NUGGC: variants seen among roughly 807,000 people sequenced by gnomAD.
NUGGC encodes the protein nuclear GTPase SLIP-GC.
In NUGGC, 58 loss-of-function variants were observed where a neutral mutation model predicts 92.6. The observed-to-expected ratio is 0.63, with a 90% CI of 0.51 to 0.78. NUGGC has a LOEUF of 0.78. Among genes scored for constraint, NUGGC ranks in the 30% least tolerant of loss-of-function variants. The probability of loss-of-function intolerance (pLI) is 0.00; values close to 1 mark genes in which losing one functional copy is unlikely to be tolerated. For synonymous variants in NUGGC, 376 were observed against 366.4 expected, an observed-to-expected ratio of 1.03 and a Z score of -0.30; for missense variants, 925 against 964.6, an observed-to-expected ratio of 0.96 and a Z score of 0.54.
At chr8:28,059,779 TG>T (rs1357192425) in intron 8 of NUGGC, among the ~76,000 whole-genome samples, 2 of 152,136 alleles carry the variant, frequency 1.3e-5, no homozygotes, top group East Asian at 3.8e-4. Flanking sequence ...CCCAGCACTT[TG>T]GGAGGCCAAG....
intron 7 of NUGGC, among the ~76,000 whole-genome samples, chr8:28,063,136 G>A (rs184022305): frequency 3.9e-4 from 60 of 152,268 alleles, no homozygotes; most frequent in African/African-American, 1.4e-3. Context: ...GAGAGACATA[G>A]GGAGGGCAAC....
chr8:28,027,072 A>C lies in NUGGC; in HGVS notation c.2155-20T>G. ...TCCAGTCTATGCAACAAGGACATTC[A>C]GTCTGTTAGGATGGTGCAGCCCAAG... On this transcript the variant is annotated intron_variant, in intron 17 of 18. Coordinates refer to ENST00000413272, the MANE Select transcript of NUGGC (RefSeq NM_001010906.2). The C allele has an allele frequency of 1.3e-6, 2 of 1,577,654 alleles. No individual in the cohort carries two copies. Among genetic ancestry groups the C allele is most frequent in the Non-Finnish European group, 1.7e-6 (2 of 1,146,854 alleles).
At chr8:28,068,705 T>A (rs934666285) in intron 4 of NUGGC, among the ~76,000 whole-genome samples, 1 of 152,170 alleles carries the variant, frequency 6.6e-6, no homozygotes, top group Non-Finnish European at 1.5e-5. Context: ...GTGTCTTTAT[T>A]TGTATTCACT....
At chr8:28,062,285 C>T (rs568061768) in intron 7 of NUGGC, among the ~76,000 whole-genome samples, 3 of 152,268 alleles carry the variant, frequency 2.0e-5, no homozygotes, top group South Asian at 4.1e-4. Context: ...AAAACCATTA[C>T]AGCCCTTCTG....
chr8:28,023,249 C>T lies in NUGGC; in HGVS notation c.*68G>A. On this transcript the variant is annotated 3_prime_UTR_variant, in exon 19 of 19. Transcript: ENST00000413272. ...GTAGATAGATCTTGTCTCTTAAGAA[C>T]AAAAAAAGTAATTCTAATTCTCTGG... 6.6e-7 allele frequency: 1 copy of T among 1,510,368 alleles called. No homozygotes were observed. The highest frequency in any genetic ancestry group is 8.9e-7 in the Non-Finnish European group (1 of 1,121,454). 93.6% of individuals were successfully genotyped at this position (1,510,368 alleles called of 1,614,324 possible). A position where few individuals can be genotyped will look rare whatever the true frequency, so the allele number is the denominator to read the frequency against.
intron 13 of NUGGC, among the ~76,000 whole-genome samples, chr8:28,035,913 C>G (rs975481623): frequency 3.3e-5 from 5 of 152,236 alleles, no homozygotes; most frequent in African/African-American, 1.2e-4. Context: ...GACAGGGTCT[C>G]TCTCTGTCAC....
At chr8:28,036,693 C>T (rs1334758862) in intron 13 of NUGGC, among the ~76,000 whole-genome samples, 2 of 152,210 alleles carry the variant, frequency 1.3e-5, no homozygotes, top group Non-Finnish European at 2.9e-5. Context: ...CCCACATCTC[C>T]CCATGTCTGA....
At chr8:28,064,169 G>T (rs1189731479) in intron 7 of NUGGC, among the ~76,000 whole-genome samples, 1 of 152,188 alleles carries the variant, frequency 6.6e-6, no homozygotes, top group African/African-American at 2.4e-5. Context: ...GCAGCCTCTT[G>T]GTTCTTGGTG....
chr8:28,045,191 A>T (rs774632229), intron 12 of NUGGC, among the ~76,000 whole-genome samples: 14 of 152,164 alleles, frequency 9.2e-5, no homozygotes, highest in Admixed American at 3.3e-4. Context: ...GTAACCAAGA[A>T]GTGTCTATAT....
At position 28,031,249 on chromosome 8, in the gene NUGGC, G is replaced by T. The variant is rs369886793; in HGVS notation, c.1902C>A (p.Ile634=). ...CACTTTATAAGGAACGTACCTCCTGGATCAGGAAATTTTTTTTGCAGCTAT... is the reference window on the plus strand; with the variant it reads ...CACTTTATAAGGAACGTACCTCCTGTATCAGGAAATTTTTTTTGCAGCTAT... The part of the protein sequence containing the change: ...KYDSCKKNFL[I]QEISAILGGL... Residue 634 remains isoleucine (I), a synonymous_variant, in exon 15 of 19, where the codon ATC becomes ATA. Coordinates refer to ENST00000413272, the MANE Select transcript of NUGGC (RefSeq NM_001010906.2). 1 of 1,614,030 alleles carries T rather than the reference G, an allele frequency of 6.2e-7. No homozygotes were observed.
chr8:28,050,805 C>T lies in NUGGC; in HGVS notation c.1207-3193G>A, dbSNP rs190351407. 2.0e-3 allele frequency among the ~76,000 whole-genome samples: 287 copies of T among 143,848 alleles called. 1 individual carries two copies. Among genetic ancestry groups the T allele is most frequent in the South Asian group, 0.011 (47 of 4,386 alleles). The allele number at this position is 143,848 out of a possible 152,430, so 94.4% of individuals were successfully genotyped here. ...TAGCCTGGGCAACAGAGCCAGGCTC[C>T]GTCTCAAAAAAAAAAAAAAATCATG... On this transcript the variant is annotated intron_variant, in intron 10 of 18. Transcript: ENST00000413272.
rs1585569396 is a variant in NUGGC at position 28,045,553 on chromosome 8, T to A, written c.1420A>T (p.Ser474Cys). The A allele has an allele frequency of 6.2e-7, 1 of 1,612,606 alleles. No individual in the cohort carries two copies. Among genetic ancestry groups the A allele is most frequent in the Non-Finnish European group, 8.5e-7 (1 of 1,179,722 alleles). Residue 474 changes from serine to cysteine, a missense_variant, in exon 12 of 19, where the codon AGT becomes TGT. Physicochemically the swap from Ser to Cys is moderately radical, Grantham distance 112 (BLOSUM62 -1). Transcript: ENST00000413272. The stretch of plus-strand genomic sequence containing the variant: ...GGCAGGTTTTGCGTGGAGTTGAAAC[T>A]ATCTGTGAGGAGCAACAGGCCAAAG... ...EAFGLLLLTD[S>C]FNSTQNLPNE...
At chr8:28,067,330 A>G (rs1474701305) in intron 6 of NUGGC, among the ~76,000 whole-genome samples, 184 bp downstream of exon 6, 2 of 152,206 alleles carry the variant, frequency 1.3e-5, no homozygotes, top group Non-Finnish European at 2.9e-5. Flanking sequence ...TCACATACCA[A>G]AAATTTCCAT....
At chr8:28,052,630 G>A (rs111571330) in intron 10 of NUGGC, among the ~76,000 whole-genome samples, 11 of 152,268 alleles carry the variant, frequency 7.2e-5, no homozygotes, top group East Asian at 1.9e-4. Context: ...GGAGCATGGC[G>A]CTGCTAATAC....
chr8:28,049,094 C>G (rs968998812), intron 10 of NUGGC, among the ~76,000 whole-genome samples: 2 of 152,106 alleles, frequency 1.3e-5, no homozygotes, highest in Non-Finnish European at 2.9e-5. Flanking sequence ...TTGTCAATCT[C>G]TTTCTGATGC....
In NUGGC at chr8:28,070,341, T is replaced by C. The variant is rs893767414; in HGVS notation, c.59A>G (p.Tyr20Cys). Residue 20 changes from tyrosine (Y) to cysteine (C), a missense_variant, in exon 3 of 19, where the codon TAT becomes TGT. Transcript: ENST00000413272. ...CCTTCTTTTTCTCGTTCGTTCTTTA[T>C]ATAAATCATCTTCAACTAGAGATAA... ...QEPHPVEDDLYKERTRKRRKS... is the reference protein window; with the variant it reads ...QEPHPVEDDLCKERTRKRRKS... The C allele has an allele frequency of 9.8e-6, 15 of 1,524,028 alleles. No homozygotes were observed. The African/African-American group carries it at 1.8e-4, about 18-fold the overall frequency. 94.4% of individuals were successfully genotyped at this position (1,524,028 alleles called of 1,614,324 possible).
rs777562774 is a variant in NUGGC at position 28,060,438 on chromosome 8, G to A, written c.1085C>T (p.Pro362Leu). ...CCCAGCACAATACCTTAGGTATTCT[G>A]GCAAGTGGAGTTTGTCCATCTTGGT... ...VVTKMDKLHLPEYLRERKAGN... is the reference protein window; with the variant it reads ...VVTKMDKLHLLEYLRERKAGN... The change falls in exon 8 of 19, where the codon CCA becomes CTA. Residue 362 changes from proline (P) to leucine (L), a missense_variant. Transcript: ENST00000413272. 6.2e-7 allele frequency: 1 copy of A among 1,613,520 alleles called. No individual in the cohort carries two copies.
intron 18 of NUGGC, among the ~76,000 whole-genome samples, chr8:28,024,445 T>C (rs1253394616): frequency 6.6e-6 from 1 of 152,160 alleles, no homozygotes; most frequent in East Asian, 1.9e-4. Flanking sequence ...CTCTGTCCTG[T>C]GGGCCTCCCT....
At chr8:28,051,752 G>A (rs923812485) in intron 10 of NUGGC, among the ~76,000 whole-genome samples, 27 of 152,016 alleles carry the variant, frequency 1.8e-4, no homozygotes, top group African/African-American at 4.8e-4. Flanking sequence ...GAGAAACCCC[G>A]TCTCTACTAA....
Sources: allele counts gnomAD v4.1 joint callset (sites outside exome capture counted in the v4.1 genomes callset), GRCh38; gene constraint gnomAD v4.1.1; transcripts MANE v1.5; gene names NCBI Gene and HGNC (gene_info 2026-07-23, HGNC 2026-07-21).